Variants in CSNK1G1 observed in about 807,000 individuals in gnomAD.
CSNK1G1 encodes the protein casein kinase I isoform gamma-1.
A neutral mutation model predicts 59.6 loss-of-function variants in CSNK1G1; 22 were observed. The ratio of observed to expected loss-of-function variants is 0.37; its 90% CI spans 0.26 to 0.53. The LOEUF (loss-of-function observed/expected upper bound fraction) is 0.53, where lower values mean the gene tolerates loss of function less well. CSNK1G1 is among the 20% of genes least tolerant of loss of function. CSNK1G1 has a pLI of 0.89. For synonymous variants in CSNK1G1, 179 were observed against 177.1 expected, an observed-to-expected ratio of 1.01 and a Z score of -0.08; for missense variants, 384 against 519.5, an observed-to-expected ratio of 0.74 and a Z score of 2.54.
chr15:64,248,810 C>G (rs559350155), intron 4 of CSNK1G1, among the ~76,000 whole-genome samples: 9 of 151,872 alleles, frequency 5.9e-5, no homozygotes, highest in African/African-American at 2.2e-4. Context: ...TGGTGAAACC[C>G]CGTCTCTACT....
chr15:64,226,511 G>A (rs550508638), intron 4 of CSNK1G1, among the ~76,000 whole-genome samples: 2 of 151,484 alleles, frequency 1.3e-5, no homozygotes, highest in South Asian at 2.1e-4. Context: ...AGCCAAGATC[G>A]CAACACTGTA....
At chr15:64,342,711 T>C (rs1897739551) in intron 1 of CSNK1G1, 1 of 152,226 alleles carries the variant, frequency 6.6e-6, no homozygotes, top group South Asian at 2.1e-4. Flanking sequence ...AATAAGTAAA[T>C]GATTAAAAAA....
chr15:64,248,387 A>G (rs1235981669), intron 4 of CSNK1G1, among the ~76,000 whole-genome samples: 1 of 152,158 alleles, frequency 6.6e-6, no homozygotes, highest in Non-Finnish European at 1.5e-5. Context: ...ACATTGGTAA[A>G]AATCTAAAAA....
At chr15:64,298,875 CAA>C (rs538363993) in intron 2 of CSNK1G1, among the ~76,000 whole-genome samples, 7 of 127,736 alleles carry the variant, frequency 5.5e-5, no homozygotes, top group Admixed American at 7.9e-5. Flanking sequence ...CACAAAAATA[CAA>C]AAAAAAAAAA....
intron 1 of CSNK1G1, among the ~76,000 whole-genome samples, chr15:64,329,073 T>C (rs952911570): frequency 3.3e-5 from 5 of 150,176 alleles, no homozygotes; most frequent in Admixed American, 3.3e-4. Context: ...ACATTAATAA[T>C]GGGAGACTTT....
chr15:64,329,233 A>C (rs1472285558), intron 1 of CSNK1G1, among the ~76,000 whole-genome samples: 1 of 151,940 alleles, frequency 6.6e-6, no homozygotes, highest in African/African-American at 2.4e-5. Flanking sequence ...TTTTTTCAGC[A>C]CCACACCACA....
chr15:64,230,172 A>G (rs2082527598), intron 4 of CSNK1G1, among the ~76,000 whole-genome samples: 2 of 151,938 alleles, frequency 1.3e-5, no homozygotes, highest in Admixed American at 1.3e-4. Flanking sequence ...AAGTGCTTGG[A>G]TTATAGGCGT....
chr15:64,219,777 C>CTTTTTT (rs750402203), intron 4 of CSNK1G1, among the ~76,000 whole-genome samples: 9 of 136,310 alleles, frequency 6.6e-5, no homozygotes, highest in Non-Finnish European at 9.4e-5. Flanking sequence ...CTTTTCTTTT[C>CTTTTTT]TTTTTTTTTT....
chr15:64,350,682 C>T (rs1438036334), intron 1 of CSNK1G1, among the ~76,000 whole-genome samples: 5 of 152,084 alleles, frequency 3.3e-5, no homozygotes, highest in Non-Finnish European at 7.3e-5. Context: ...TATTATATAA[C>T]CTAAATCTAC....
At chr15:64,255,528 C>A (rs565510455) in intron 3 of CSNK1G1, among the ~76,000 whole-genome samples, 1 of 152,136 alleles carries the variant, frequency 6.6e-6, no homozygotes, top group Non-Finnish European at 1.5e-5. Context: ...TTTCTTAAGT[C>A]CTCAGCAAAA....
rs2081791428 is a variant in CSNK1G1 at position 64,180,041 on chromosome 15, G to C, written c.1214+307C>G. The C allele has an allele frequency of 4.1e-5, 12 of 293,514 alleles. No homozygotes were observed. In the South Asian group the frequency reaches 6.1e-4, roughly 15 times the overall value. The allele number at this position is 293,514 out of a possible 1,614,324, so 18.2% of individuals were successfully genotyped here. ...GATTTTTCTCTATATCCCATATAGA[G>C]CAAGAAGCTCCACAGCCCCAAGAAG... On this transcript the variant is annotated intron_variant, in intron 11 of 11. Transcript: ENST00000303052.
At chr15:64,289,353 T>C (rs1406678474) in intron 2 of CSNK1G1, among the ~76,000 whole-genome samples, 2 of 152,186 alleles carry the variant, frequency 1.3e-5, no homozygotes, top group Admixed American at 1.3e-4. Context: ...CTAATGTGGT[T>C]AGAACTCTTC....
At position 64,170,988 on chromosome 15, in the gene CSNK1G1, G is replaced by A. The variant is rs1199538321; in HGVS notation, c.*943C>T. On this transcript the variant is annotated 3_prime_UTR_variant, in exon 12 of 12. Coordinates refer to ENST00000303052, the MANE Select transcript of CSNK1G1 (RefSeq NM_022048.5). ...CTGAGTGTTCACTCAGAATGACACC[G>A]AGTTTGGCTTCTCTTCTGGGTGCTG... The A allele has an allele frequency of 6.6e-6, 1 of 152,476 alleles. No individual in the cohort carries two copies. The highest frequency in any genetic ancestry group is 1.5e-5 in the Non-Finnish European group (1 of 68,002). 9.4% of individuals were successfully genotyped at this position (152,476 alleles called of 1,614,324 possible). A position where few individuals can be genotyped will look rare whatever the true frequency, so the allele number is the denominator to read the frequency against.
intron 1 of CSNK1G1, among the ~76,000 whole-genome samples, chr15:64,302,688 G>A (rs1046771991): frequency 1.3e-5 from 2 of 152,058 alleles, no homozygotes; most frequent in South Asian, 4.1e-4. Flanking sequence ...TAATTGTTGG[G>A]AGTATGTCTA....
At chr15:64,317,587 T>C (rs572365971) in intron 1 of CSNK1G1, among the ~76,000 whole-genome samples, 4 of 152,288 alleles carry the variant, frequency 2.6e-5, no homozygotes, top group African/African-American at 9.6e-5. Flanking sequence ...CTTATTTGTT[T>C]TCAACAGGGT....
At chr15:64,239,036 G>A (rs895912361) in intron 4 of CSNK1G1, among the ~76,000 whole-genome samples, 6 of 152,178 alleles carry the variant, frequency 3.9e-5, no homozygotes, top group Admixed American at 1.3e-4. Flanking sequence ...TATTCCTGAT[G>A]TTTAATGTAG....
intron 11 of CSNK1G1, among the ~76,000 whole-genome samples, chr15:64,177,761 T>A (rs2081758464): frequency 6.6e-6 from 1 of 152,216 alleles, no homozygotes; most frequent in Non-Finnish European, 1.5e-5. Flanking sequence ...ACAATTAGTA[T>A]ACACATTTAC....
rs1187633323 is a variant in CSNK1G1, at chr15:64,186,926, C to T, written c.1108-6472G>A. On this transcript the variant is annotated intron_variant, in intron 10 of 11. Transcript: ENST00000303052. ...GCAACCTCTGCCTCCCAGGTTCAAG[C>T]GTTCTCCTGCCTCAGCCTCCTGAGT... 4.0e-5 allele frequency among the ~76,000 whole-genome samples: 6 copies of T among 151,882 alleles called. 1 individual carries two copies. The East Asian group carries it at 9.7e-4, about 25-fold the overall frequency.
chr15:64,175,158 T>C (rs894906341), intron 11 of CSNK1G1, among the ~76,000 whole-genome samples: 28 of 151,994 alleles, frequency 1.8e-4, no homozygotes, highest in Non-Finnish European at 3.8e-4. Context: ...GCAAAACAAA[T>C]AGCCAAAGGT....
Sources: allele counts gnomAD v4.1 joint callset (sites outside exome capture counted in the v4.1 genomes callset), GRCh38; gene constraint gnomAD v4.1.1; transcripts MANE v1.5; gene names NCBI Gene and HGNC (gene_info 2026-07-23, HGNC 2026-07-21).